Variants in ATP6V1C2 observed in about 807,000 individuals in gnomAD.
ATP6V1C2 encodes the protein ATPase H+ transporting V1 subunit C2, also known as V-type proton ATPase subunit C 2.
ATP6V1C2 carries 45 observed loss-of-function variants against 56.8 expected under a neutral mutation model. The ratio of observed to expected loss-of-function variants is 0.79; its 90% CI spans 0.62 to 1.02. The LOEUF is 1.02. Among genes scored for constraint, ATP6V1C2 ranks in the 50% least tolerant of loss-of-function variants. The pLI, the probability that ATP6V1C2 is intolerant of heterozygous loss-of-function variation, is 0.00. For synonymous variants in ATP6V1C2, 220 were observed against 201.3 expected, an observed-to-expected ratio of 1.09 and a Z score of -0.79; for missense variants, 463 against 519.7, an observed-to-expected ratio of 0.89 and a Z score of 1.06.
At chr2:10,766,229 C>T (rs1664211151) in intron 5 of ATP6V1C2, among the ~76,000 whole-genome samples, 1 of 152,182 alleles carries the variant, frequency 6.6e-6, no homozygotes, top group Non-Finnish European at 1.5e-5. Flanking sequence ...GGGGCAGAGG[C>T]TCCGGGGTGT....
chr2:10,784,373 C>A lies in ATP6V1C2; in HGVS notation c.*1110C>A. The A allele has an allele frequency of 1.4e-6, 2 of 1,475,900 alleles. No homozygotes were observed. The highest frequency in any genetic ancestry group is 9.4e-7 in the Non-Finnish European group (1 of 1,065,694). 91.4% of individuals were successfully genotyped at this position (1,475,900 alleles called of 1,614,324 possible). A position where few individuals can be genotyped will look rare whatever the true frequency, so the allele number is the denominator to read the frequency against. On this transcript the variant is annotated 3_prime_UTR_variant, in exon 14 of 14. Transcript: ENST00000272238. ...CTGTTAGATCTGCAGAAGGGGACAC[C>A]CTGGAAGGTCAACATCTCATTTTAT...
intron 3 of ATP6V1C2, 30 bp downstream of exon 3, chr2:10,726,599 G>T: frequency 6.4e-7 from 1 of 1,574,044 alleles, no homozygotes; most frequent in Non-Finnish European, 8.7e-7. Flanking sequence ...CTACATACAA[G>T]TGAGAATTTG....
At chr2:10,746,610 C>G (rs1355981838) in intron 3 of ATP6V1C2, among the ~76,000 whole-genome samples, 1 of 152,064 alleles carries the variant, frequency 6.6e-6, no homozygotes. Context: ...TGTGGTTTCA[C>G]CATGTCGACC....
intron 3 of ATP6V1C2, among the ~76,000 whole-genome samples, chr2:10,750,311 G>A (rs569054618): frequency 2.6e-5 from 4 of 152,262 alleles, no homozygotes; most frequent in Admixed American, 2.6e-4. Context: ...GAGCTCAGGG[G>A]TTTGAGACCA....
intron 13 of ATP6V1C2, 151 bp downstream of exon 13, chr2:10,782,526 CCT>C: frequency 1.1e-6 from 1 of 895,486 alleles, no homozygotes; most frequent in Non-Finnish European, 1.6e-6. Flanking sequence ...ATGGTAAGAC[CCT>C]GTCTCTACTA....
chr2:10,745,334 A>G (rs1275626367), intron 3 of ATP6V1C2, among the ~76,000 whole-genome samples: 1 of 145,664 alleles, frequency 6.9e-6, no homozygotes, highest in Non-Finnish European at 1.5e-5. Flanking sequence ...CACTGTGCCC[A>G]GCCTATTTGT....
At chr2:10,741,364 A>T (rs1340927899) in intron 3 of ATP6V1C2, among the ~76,000 whole-genome samples, 1 of 152,104 alleles carries the variant, frequency 6.6e-6, no homozygotes, top group Non-Finnish European at 1.5e-5. Flanking sequence ...CCCTTGGTGG[A>T]GGAGGAAGTA....
At chr2:10,777,436 C>T in intron 10 of ATP6V1C2, 149 bp from the exon 11 acceptor site, 1 of 969,150 alleles carries the variant, frequency 1.0e-6, no homozygotes, top group Non-Finnish European at 1.5e-6. Flanking sequence ...GGGCACCTAC[C>T]ACATCTCTAG....
chr2:10,754,451 C>G (rs1329479295), intron 4 of ATP6V1C2, among the ~76,000 whole-genome samples: 1 of 152,066 alleles, frequency 6.6e-6, no homozygotes, highest in Admixed American at 6.6e-5. Flanking sequence ...GCCTCAAGCT[C>G]CCAACCTCAA....
Position 10,783,574 on chromosome 2 carries a change from T to A in ATP6V1C2, c.*311T>A, listed in dbSNP as rs1060005. On this transcript the variant is annotated 3_prime_UTR_variant, in exon 14 of 14. Transcript: ENST00000272238. The stretch of plus-strand genomic sequence containing the variant: ...GCTATTTTGAGGTTCATTAACAACA[T>A]AGAAAGCCTTGAACTGTATAACCAG... 7.4e-5 allele frequency: 21 copies of A among 284,448 alleles called. No individual in the cohort carries two copies. Among genetic ancestry groups the A allele is most frequent in the Non-Finnish European group, 1.3e-4 (19 of 147,520 alleles). 17.6% of individuals were successfully genotyped at this position (284,448 alleles called of 1,614,324 possible). A position where few individuals can be genotyped will look rare whatever the true frequency, so the allele number is the denominator to read the frequency against.
intron 2 of ATP6V1C2, among the ~76,000 whole-genome samples, chr2:10,725,805 T>G (rs1271207625): frequency 1.3e-5 from 2 of 150,948 alleles, no homozygotes; most frequent in Non-Finnish European, 3.0e-5. Context: ...TGGGGCCGGG[T>G]GCAGTGGCTT....
intron 3 of ATP6V1C2, among the ~76,000 whole-genome samples, chr2:10,727,637 C>G (rs2171774): frequency 0.95 from 144,752 of 152,242 alleles, 69,234 homozygotes; most frequent in East Asian, 1. Flanking sequence ...GGTAGCTCAC[C>G]CCTATAATCC....
At chr2:10,778,519 CTG>C (rs1375221727) in intron 11 of ATP6V1C2, 51 bp from the exon 12 acceptor site, 2 of 1,554,254 alleles carry the variant, frequency 1.3e-6, no homozygotes, top group African/African-American at 2.7e-5. Flanking sequence ...TTTCTTGGCT[CTG>C]TGTCAGGCGG....
chr2:10,769,158 G>C (rs779874987), intron 6 of ATP6V1C2, among the ~76,000 whole-genome samples: 30 of 152,258 alleles, frequency 2.0e-4, no homozygotes, highest in Non-Finnish European at 4.1e-4. Context: ...CGGGAGGCCA[G>C]GATGTCAGCG....
At chr2:10,773,080 G>A (rs1022328056) in intron 8 of ATP6V1C2, among the ~76,000 whole-genome samples, 1 of 152,216 alleles carries the variant, frequency 6.6e-6, no homozygotes, top group Non-Finnish European at 1.5e-5. Flanking sequence ...GGAGGAGAGC[G>A]GGTTACAGAC....
chr2:10,765,223 T>G (rs1441711055), intron 5 of ATP6V1C2, among the ~76,000 whole-genome samples: 2 of 152,140 alleles, frequency 1.3e-5, no homozygotes, highest in Non-Finnish European at 2.9e-5. Context: ...CCACTCCACT[T>G]GATAAAATGA....
intron 4 of ATP6V1C2, among the ~76,000 whole-genome samples, chr2:10,761,139 G>C (rs1026222205): frequency 2.0e-5 from 3 of 152,180 alleles, no homozygotes; most frequent in African/African-American, 7.2e-5. Flanking sequence ...CCTGTCCTAC[G>C]TGTTGAAGGA....
chr2:10,770,902 TCA>T (rs1471038362), intron 6 of ATP6V1C2, among the ~76,000 whole-genome samples: 1 of 152,212 alleles, frequency 6.6e-6, no homozygotes, highest in Non-Finnish European at 1.5e-5. Flanking sequence ...CTTGCAGAGC[TCA>T]CAGTTATTCA....
chr2:10,764,549 G>A (rs771431842), intron 5 of ATP6V1C2, 124 bp downstream of exon 5: 17 of 790,506 alleles, frequency 2.2e-5, no homozygotes, highest in Admixed American at 1.1e-4. Flanking sequence ...TCTGAGGTGT[G>A]GCCTCCTTCC....
Sources: gnomAD v4.1 joint callset for allele counts (sites outside exome capture counted in the v4.1 genomes callset) on GRCh38, gnomAD v4.1.1 for gene constraint, MANE v1.5 for transcripts, NCBI Gene and HGNC (gene_info 2026-07-23, HGNC 2026-07-21) for gene names.